Variants in EPHA5 observed in about 807,000 individuals in gnomAD.
EPHA5 encodes the protein ephrin type-A receptor 5.
In EPHA5, 60 loss-of-function variants were observed where a neutral mutation model predicts 105.0. The observed-to-expected ratio is 0.57, with a 90% CI of 0.46 to 0.71. The LOEUF (loss-of-function observed/expected upper bound fraction) is 0.71, where lower values mean the gene tolerates loss of function less well. EPHA5 is among the 30% of genes least tolerant of loss of function. The probability of loss-of-function intolerance (pLI) is 0.00; values close to 1 mark genes in which losing one functional copy is unlikely to be tolerated. For missense variants in EPHA5, 1,218 were observed against 1,274.7 expected, an observed-to-expected ratio of 0.96 and a Z score of 0.68; for synonymous variants, 513 against 449.1, an observed-to-expected ratio of 1.14 and a Z score of -1.80.
chr4:65,513,633 G>A (rs1486114520), intron 3 of EPHA5, among the ~76,000 whole-genome samples: 2 of 152,196 alleles, frequency 1.3e-5, no homozygotes, highest in Admixed American at 1.3e-4. Context: ...TGATCCGCCT[G>A]CCTCTGCCTC....
chr4:65,544,462 A>C (rs181089307), intron 3 of EPHA5, among the ~76,000 whole-genome samples: 3 of 152,210 alleles, frequency 2.0e-5, no homozygotes, highest in Admixed American at 2.0e-4. Flanking sequence ...TGTGGCCAAG[A>C]AACATATGAA....
chr4:65,637,571 T>TATATATATAG (rs1449006394), intron 2 of EPHA5, among the ~76,000 whole-genome samples: 67 of 109,714 alleles, frequency 6.1e-4, no homozygotes, highest in Non-Finnish European at 1.0e-3. Flanking sequence ...GAGTTTTGCA[T>TATATATATAG]ATATATATAT....
intron 5 of EPHA5, among the ~76,000 whole-genome samples, chr4:65,460,838 G>T (rs1728055294): frequency 6.6e-6 from 1 of 151,690 alleles, no homozygotes. Flanking sequence ...TGAATGAGGG[G>T]AGATAGAGAA....
chr4:65,550,713 A>G (rs776503667), intron 3 of EPHA5, among the ~76,000 whole-genome samples: 1 of 151,944 alleles, frequency 6.6e-6, no homozygotes, highest in Non-Finnish European at 1.5e-5. Context: ...GCGCGCGCCT[A>G]TAGTCCCAGC....
chr4:65,664,077 C>G (rs761115070), intron 1 of EPHA5, among the ~76,000 whole-genome samples: 3 of 151,816 alleles, frequency 2.0e-5, no homozygotes, highest in Non-Finnish European at 4.4e-5. Context: ...ATCTCATGAA[C>G]TGAATACAAA....
At chr4:65,474,718 C>G (rs1179992574) in intron 5 of EPHA5, among the ~76,000 whole-genome samples, 1 of 152,092 alleles carries the variant, frequency 6.6e-6, no homozygotes, top group African/African-American at 2.4e-5. Context: ...GTTGCTTTGA[C>G]TATTTCAGTA....
rs1282275596 is a variant in EPHA5 at position 65,668,916 on chromosome 4, C to A, written c.181+646G>T. On this transcript the variant is annotated intron_variant, in intron 1 of 16. Transcript: ENST00000613740. Reference sequence around the variant, plus strand: ...ACCTTGGCTTGAGTGTGACAATGAACTCCCCCAAGAAGAAGGGCACCCAAC... The same window carrying A: ...ACCTTGGCTTGAGTGTGACAATGAAATCCCCCAAGAAGAAGGGCACCCAAC... Among the ~76,000 whole-genome samples, 5 of 152,052 alleles carry A rather than the reference C, an allele frequency of 3.3e-5. No homozygotes were observed. The East Asian group carries it at 5.9e-4, about 18-fold the overall frequency.
At chr4:65,565,185 A>G (rs1203620245) in intron 3 of EPHA5, among the ~76,000 whole-genome samples, 1 of 151,624 alleles carries the variant, frequency 6.6e-6, no homozygotes, top group African/African-American at 2.4e-5. Context: ...TCTATAACCA[A>G]CTTTTCCAGG....
chr4:65,330,694 T>C (rs1720527647), intron 16 of EPHA5: 2 of 849,004 alleles, frequency 2.4e-6, no homozygotes, highest in Middle Eastern at 5.7e-4. Context: ...AAAAATTAAA[T>C]AGCAATCATG....
At chr4:65,470,835 A>T (rs1729215809) in intron 5 of EPHA5, among the ~76,000 whole-genome samples, 1 of 152,172 alleles carries the variant, frequency 6.6e-6, no homozygotes, top group Non-Finnish European at 1.5e-5. Flanking sequence ...AGCACTGTGT[A>T]CTTCTATATT....
At chr4:65,536,498 ACT>A (rs1736302608) in intron 3 of EPHA5, among the ~76,000 whole-genome samples, 1 of 151,812 alleles carries the variant, frequency 6.6e-6, no homozygotes, top group Non-Finnish European at 1.5e-5. Flanking sequence ...GTTTTCTTAC[ACT>A]CTTTCAAATG....
intron 14 of EPHA5, among the ~76,000 whole-genome samples, chr4:65,343,646 A>G (rs1009936265): frequency 1.3e-5 from 2 of 152,204 alleles, no homozygotes; most frequent in Non-Finnish European, 2.9e-5. Context: ...TTTCTTGGAT[A>G]CAAAATTTGG....
chr4:65,585,956 C>T (rs1742081120), intron 3 of EPHA5, among the ~76,000 whole-genome samples: 1 of 148,786 alleles, frequency 6.7e-6, no homozygotes, highest in African/African-American at 2.5e-5. Context: ...CTGAGAAATA[C>T]AAAAGTTATC....
chr4:65,540,364 T>G (rs184470720), intron 3 of EPHA5, among the ~76,000 whole-genome samples: 17 of 151,642 alleles, frequency 1.1e-4, no homozygotes, highest in Admixed American at 1.1e-3. Context: ...ACTCTGTCAC[T>G]GGCAACACTA....
In EPHA5 at chr4:65,404,421, C is replaced by T. The variant is rs1393222497; in HGVS notation, c.1746G>A (p.Val582=). The T allele has an allele frequency of 6.2e-7, 1 of 1,613,792 alleles. No homozygotes were observed. Among genetic ancestry groups the T allele is most frequent in the Non-Finnish European group, 8.5e-7 (1 of 1,179,808 alleles). ...QIPVIAVSVT[V]GVILLAVVIG... is the part of the protein sequence containing the mutation. ...TAACCACTGCCAACAAAATGACTCC[C>T]ACTGTCACAGACACAGCAATTACAG... The change falls in exon 8 of 17, where the codon GTG becomes GTA. Residue 582 remains valine, a synonymous_variant. Transcript: ENST00000613740.
intron 1 of EPHA5, among the ~76,000 whole-genome samples, chr4:65,656,029 G>A (rs1749023282): frequency 6.6e-6 from 1 of 150,914 alleles, no homozygotes; most frequent in Non-Finnish European, 1.5e-5. Flanking sequence ...GAGGGAAAAG[G>A]GAGACAAGAA....
intron 2 of EPHA5, among the ~76,000 whole-genome samples, chr4:65,624,154 A>G (rs558797659): frequency 6.6e-6 from 1 of 152,152 alleles, no homozygotes; most frequent in African/African-American, 2.4e-5. Context: ...AAAAACCAAT[A>G]CTTATTTATA....
At chr4:65,401,881 T>C (rs1471973458) in intron 8 of EPHA5, among the ~76,000 whole-genome samples, 2 of 147,820 alleles carry the variant, frequency 1.4e-5, no homozygotes, top group Non-Finnish European at 3.0e-5. Context: ...CAGGTATATA[T>C]AGAATTTGTG....
In EPHA5 at chr4:65,619,725, G is replaced by A. The variant is rs577630793; in HGVS notation, c.247-17421C>T. ...GTCTCATTAATTATTATATATATAT[G>A]CCATATTTTCCTAAGTATCTATGTG... On this transcript the variant is annotated intron_variant, in intron 2 of 16. Transcript: ENST00000613740. Among the ~76,000 whole-genome samples, 7 of 151,788 alleles carry A rather than the reference G, an allele frequency of 4.6e-5. No homozygotes were observed. The East Asian group carries it at 1.4e-3, about 29-fold the overall frequency.
Sources: gnomAD v4.1 joint callset for allele counts (sites outside exome capture counted in the v4.1 genomes callset) on GRCh38, gnomAD v4.1.1 for gene constraint, MANE v1.5 for transcripts, NCBI Gene and HGNC (gene_info 2026-07-23, HGNC 2026-07-21) for gene names.